The following RABGAP1 variants were observed in gnomAD, a reference collection of about 807,000 sequenced individuals.
RABGAP1 encodes the protein RAB GTPase activating protein 1.
Under a neutral mutation model 137.6 loss-of-function variants are expected in RABGAP1, and 23 were observed. That is an observed-to-expected ratio of 0.17 (90% CI 0.12 to 0.24). The LOEUF (loss-of-function observed/expected upper bound fraction) is 0.24. Ranked by LOEUF, RABGAP1 falls within the 10% of genes least tolerant of loss-of-function variation. The probability of loss-of-function intolerance (pLI) is 1.00; values close to 1 mark genes in which losing one functional copy is unlikely to be tolerated. For missense variants in RABGAP1, 906 were observed against 1,275.8 expected, an observed-to-expected ratio of 0.71 and a Z score of 4.42; for synonymous variants, 451 against 450.7, an observed-to-expected ratio of 1.00 and a Z score of -0.01.
At chr9:122,997,405 A>G (rs1160215302) in intron 9 of RABGAP1, 44 bp downstream of exon 9, 2 of 1,423,818 alleles carry the variant, frequency 1.4e-6, no homozygotes, top group Non-Finnish European at 1.9e-6. Context: ...TTTAGTCTCA[A>G]GAAGAGATGC....
intron 19 of RABGAP1, among the ~76,000 whole-genome samples, chr9:123,080,295 A>T (rs1222700335): frequency 6.6e-6 from 1 of 152,182 alleles, no homozygotes; most frequent in Non-Finnish European, 1.5e-5. Flanking sequence ...CTAGACCTGG[A>T]GAACTTTGCA....
At chr9:123,086,857 C>G (rs1457479206) in intron 19 of RABGAP1, among the ~76,000 whole-genome samples, 1 of 152,140 alleles carries the variant, frequency 6.6e-6, no homozygotes. Context: ...CCCCTGAGGA[C>G]TGATTCGGAA....
At chr9:123,095,185 C>T (rs535524026) in intron 21 of RABGAP1, among the ~76,000 whole-genome samples, 99 of 141,006 alleles carry the variant, frequency 7.0e-4, no homozygotes, top group Non-Finnish European at 1.3e-3. Flanking sequence ...CGAGATCATG[C>T]CACTGCACTC....
the RABGAP1 span, among the ~76,000 whole-genome samples, chr9:122,934,321 G>A: frequency 1.1e-4 from 16 of 149,860 alleles, no homozygotes; most frequent in Non-Finnish European, 2.1e-4. Flanking sequence ...CTCATGATCC[G>A]CCCACCTCAG....
At chr9:122,979,184 C>T (rs1042845223) in intron 2 of RABGAP1, among the ~76,000 whole-genome samples, 1 of 152,170 alleles carries the variant, frequency 6.6e-6, no homozygotes, top group East Asian at 1.9e-4. Context: ...AGGCATGAAC[C>T]ACTGCGCCCA....
Position 123,103,356 on chromosome 9 carries a change from A to G in RABGAP1, c.*143A>G. ...TAGACGCATGTTGGTAGGTCACTGG[A>G]CCAGAGCTTGTGAAGCAGGCAACCT... On this transcript the variant is annotated 3_prime_UTR_variant, in exon 26 of 26. Coordinates refer to ENST00000373647, the MANE Select transcript of RABGAP1 (RefSeq NM_012197.4). 7.5e-7 allele frequency: 1 copy of G among 1,325,744 alleles called. No homozygotes were observed. Among genetic ancestry groups the G allele is most frequent in the African/African-American group, 1.5e-5 (1 of 67,838 alleles). 82.1% of individuals were successfully genotyped at this position (1,325,744 alleles called of 1,614,324 possible).
intron 12 of RABGAP1, among the ~76,000 whole-genome samples, chr9:123,018,208 ATGGTCC>A (rs1417077635): frequency 2.0e-5 from 3 of 152,100 alleles, no homozygotes; most frequent in Non-Finnish European, 4.4e-5. Flanking sequence ...GTTAGCCAGG[ATGGTCC>A]TGATCTCCTG....
At chr9:123,054,477 C>T (rs1307555780) in intron 13 of RABGAP1, among the ~76,000 whole-genome samples, 1 of 152,054 alleles carries the variant, frequency 6.6e-6, no homozygotes, top group African/African-American at 2.4e-5. Context: ...TACAGAAATA[C>T]TGTAAAAATA....
At chr9:122,947,279 C>A (rs1394503811) in intron 1 of RABGAP1, among the ~76,000 whole-genome samples, 3 of 152,004 alleles carry the variant, frequency 2.0e-5, no homozygotes, top group African/African-American at 7.3e-5. Flanking sequence ...ATATGATACA[C>A]CTAGAGTAGT....
chr9:123,076,436 A>G (rs988614374), intron 18 of RABGAP1, 150 bp downstream of exon 18: 79 of 1,139,208 alleles, frequency 6.9e-5, no homozygotes, highest in Non-Finnish European at 8.5e-5. Context: ...AAGCGAAGAA[A>G]TATCTTCTGG....
intron 2 of RABGAP1, among the ~76,000 whole-genome samples, chr9:122,979,837 C>T (rs1470820614): frequency 3.3e-5 from 5 of 152,308 alleles, no homozygotes; most frequent in East Asian, 3.9e-4. Context: ...TCACCAATAC[C>T]ACAATGTCTT....
intron 13 of RABGAP1, chr9:123,034,618 G>T (rs201170939): frequency 6.2e-7 from 1 of 1,611,874 alleles, no homozygotes; most frequent in South Asian, 1.1e-5. Context: ...TTGCCTCTTG[G>T]CATTTGGCTA....
intron 19 of RABGAP1, among the ~76,000 whole-genome samples, chr9:123,084,794 A>G (rs944008601): frequency 6.6e-6 from 1 of 152,228 alleles, no homozygotes; most frequent in Non-Finnish European, 1.5e-5. Context: ...TTTGATCTTC[A>G]TAACAGTAGT....
chr9:123,013,037 C>T (rs186130482), intron 11 of RABGAP1, among the ~76,000 whole-genome samples: 16 of 152,250 alleles, frequency 1.1e-4, no homozygotes, highest in African/African-American at 3.6e-4. Context: ...AGATGCTTGT[C>T]CTACCCCACC....
intron 19 of RABGAP1, chr9:123,089,454 T>G: frequency 3.8e-6 from 1 of 259,840 alleles, no homozygotes; most frequent in Non-Finnish European, 7.4e-6. Context: ...AATGGTGGCA[T>G]TATTATTAGG....
chr9:123,070,826 T>C lies in RABGAP1; in HGVS notation c.1983+402T>C, dbSNP rs1468743517. Among the ~76,000 whole-genome samples the C allele has an allele frequency of 6.6e-6, 1 of 152,228 alleles. No individual in the cohort carries two copies. Among genetic ancestry groups the C allele is most frequent in the Non-Finnish European group, 1.5e-5 (1 of 68,036 alleles). On this transcript the variant is annotated intron_variant, in intron 15 of 25. Transcript: ENST00000373647. This position sits in a 1 kb window ranked among gnomAD's most constrained non-coding sequence, Gnocchi z 4.4. ...GTACCATTTTATTCATTCATTGGCT[T>C]AGCAAACACCTTTGCCCTCCACCTT...
chr9:123,031,503 G>A (rs893562543), intron 13 of RABGAP1, among the ~76,000 whole-genome samples: 4 of 152,122 alleles, frequency 2.6e-5, no homozygotes, highest in Middle Eastern at 3.2e-3. Context: ...TATTTAACCA[G>A]ACAGAAAAGA....
intron 13 of RABGAP1, chr9:123,035,198 A>G (rs1313620740): frequency 3.1e-6 from 5 of 1,614,058 alleles, no homozygotes; most frequent in South Asian, 2.2e-5. Context: ...TGCTTCACCT[A>G]TTTCAACATC....
chr9:123,006,153 C>T (rs551392435), intron 10 of RABGAP1, among the ~76,000 whole-genome samples: 13 of 152,282 alleles, frequency 8.5e-5, no homozygotes, highest in South Asian at 2.1e-4. Context: ...TAGCTTACAT[C>T]ATGGTGATTC....
Sources: allele counts gnomAD v4.1 joint callset (sites outside exome capture counted in the v4.1 genomes callset), GRCh38; gene constraint gnomAD v4.1.1; non-coding constraint Gnocchi (gnomAD v3.1); transcripts MANE v1.5; gene names NCBI Gene and HGNC (gene_info 2026-07-23, HGNC 2026-07-21).